Variants in MAP4 observed in about 807,000 individuals in gnomAD.
MAP4 encodes microtubule associated protein 4, also known as microtubule-associated protein 4.
Under a neutral mutation model 170.2 loss-of-function variants are expected in MAP4, and 76 were observed. The observed-to-expected ratio is 0.45, with a 90% CI of 0.37 to 0.54. The LOEUF (loss-of-function observed/expected upper bound fraction) is 0.54. MAP4 is among the 20% of genes least tolerant of loss of function. The pLI is 0.00. For missense variants in MAP4, 2,506 were observed against 2,748.0 expected, an observed-to-expected ratio of 0.91 and a Z score of 1.97; for synonymous variants, 909 against 994.5, an observed-to-expected ratio of 0.91 and a Z score of 1.62.
At chr3:47,980,659 C>T (rs1175293458) in intron 2 of MAP4, among the ~76,000 whole-genome samples, 2 of 152,026 alleles carry the variant, frequency 1.3e-5, no homozygotes, top group African/African-American at 2.4e-5. Context: ...ATTAAATAGC[C>T]GCTATGTAAC....
At chr3:48,020,872 C>T (rs1329014963), upstream of MAP4, among the ~76,000 whole-genome samples, 1 of 151,960 alleles carries the variant, frequency 6.6e-6, no homozygotes, top group African/African-American at 2.4e-5. Context: ...GCTCATTGTA[C>T]ACTACAGCTT....
At chr3:47,993,056 A>G (rs536292097) in intron 2 of MAP4, among the ~76,000 whole-genome samples, 1 of 152,334 alleles carries the variant, frequency 6.6e-6, no homozygotes, top group South Asian at 2.1e-4. Context: ...GCAAATGGTA[A>G]ATTTATGGTG....
At chr3:48,062,908 A>G (rs1288098051) in intron 1 of MAP4, among the ~76,000 whole-genome samples, 1 of 151,228 alleles carries the variant, frequency 6.6e-6, no homozygotes, top group African/African-American at 2.4e-5. Flanking sequence ...CTAGGCAACA[A>G]GAGTGAAACT....
chr3:47,876,132 CTT>C (rs756229459), intron 11 of MAP4, among the ~76,000 whole-genome samples: 1 of 140,570 alleles, frequency 7.1e-6, no homozygotes, highest in Non-Finnish European at 1.5e-5. Context: ...TTTTCTTTTT[CTT>C]TCTTTTTTTT....
Position 47,917,585 on chromosome 3 carries a change from CAA to C in MAP4, c.653-413_653-412del, listed in dbSNP as rs397877787. 6.0e-3 allele frequency among the ~76,000 whole-genome samples: 559 copies of C among 92,694 alleles called. 3 individuals carry two copies. The highest frequency in any genetic ancestry group is 0.019 in the African/African-American group (513 of 27,566). 60.8% of individuals were successfully genotyped at this position (92,694 alleles called of 152,430 possible). A position where few individuals can be genotyped will look rare whatever the true frequency, so the allele number is the denominator to read the frequency against. On this transcript the variant is annotated intron_variant, in intron 6 of 20. Transcript: ENST00000683076. ...TGGGGGACAGGGCAAGAGTCCGTCT[CAA>C]AAAAAAAAAAAAAAAAAGAAGAAGA... is the stretch of plus-strand genomic sequence containing the variant.
In MAP4 at chr3:47,909,613, G is replaced by A; in HGVS notation, c.4808C>T (p.Pro1603Leu). The A allele has an allele frequency of 6.2e-7, 1 of 1,613,594 alleles. No individual in the cohort carries two copies. Among genetic ancestry groups the A allele is most frequent in the Non-Finnish European group, 8.5e-7 (1 of 1,179,872 alleles). The stretch of plus-strand genomic sequence containing the variant: ...TTTCTCTTCATTCACTGGATGTGCT[G>A]GGAAATTACCTCTATCTGCATATCC... ...LEGYADRGNF[P>L]AHPVNEEKET... Residue 1603 changes from proline to leucine, a missense_variant, in exon 9 of 21, where the codon CCA becomes CTA. Transcript: ENST00000683076.
rs189408176 is a variant in MAP4, at chr3:47,964,431, C to G, written c.292+13434G>C. On this transcript the variant is annotated intron_variant, in intron 3 of 20. Transcript: ENST00000683076. ...GAGGATAGGGAAACCAAATGTTTAG[C>G]CTTAACAACCAGGACAGAATTTCCA... 8.5e-5 allele frequency among the ~76,000 whole-genome samples: 13 copies of G among 152,228 alleles called. No individual in the cohort carries two copies. The East Asian group carries it at 2.1e-3, about 25-fold the overall frequency.
chr3:47,941,637 A>AAAAACTGGGCATGGTGGCGTGTGC lies in MAP4; in HGVS notation c.293-13311_293-13288dup, dbSNP rs1578033254. On this transcript the variant is annotated intron_variant, in intron 3 of 20. Coordinates refer to ENST00000683076, the MANE Select transcript of MAP4 (RefSeq NM_001385682.1). ...CTAAAAAAACAAAAACAAAAAAAAA[A>AAAAACTGGGCATGGTGGCGTGTGC]AAAACTGGGCATGGTGGCGTGTGCC... Among the ~76,000 whole-genome samples the AAAAACTGGGCATGGTGGCGTGTGC allele has an allele frequency of 4.6e-5, 7 of 151,922 alleles. No individual in the cohort carries two copies. The East Asian group carries it at 1.4e-3, about 29-fold the overall frequency.
At chr3:48,010,169 A>G (rs1478785394) in intron 1 of MAP4, among the ~76,000 whole-genome samples, 1 of 152,210 alleles carries the variant, frequency 6.6e-6, no homozygotes, top group Non-Finnish European at 1.5e-5. Context: ...TCAGGAATGA[A>G]GGTTTGGATC....
At chr3:47,898,376 C>T (rs942292910) in intron 10 of MAP4, among the ~76,000 whole-genome samples, 34 of 152,078 alleles carry the variant, frequency 2.2e-4, no homozygotes, top group African/African-American at 8.2e-4. Context: ...GTGGCACGCA[C>T]CTGTAGTCCC....
In MAP4 at chr3:47,971,930, T is replaced by C. The variant is rs553068820; in HGVS notation, c.292+5935A>G. Among the ~76,000 whole-genome samples, 33 of 152,266 alleles carry C rather than the reference T, an allele frequency of 2.2e-4. No individual in the cohort carries two copies. The South Asian group carries it at 6.6e-3, about 31-fold the overall frequency. ...GAGGACAATAACAAAATTCAAGAAT[T>C]GCTTCAATTACCAAAAGCTTTAAAC... On this transcript the variant is annotated intron_variant, in intron 3 of 20. Coordinates refer to ENST00000683076, the MANE Select transcript of MAP4 (RefSeq NM_001385682.1).
chr3:47,917,771 G>C (rs746872866), intron 6 of MAP4, among the ~76,000 whole-genome samples: 47 of 152,246 alleles, frequency 3.1e-4, no homozygotes, highest in Middle Eastern at 3.4e-3. Context: ...ATTAGTATTA[G>C]AAAGATAATC....
intron 1 of MAP4, among the ~76,000 whole-genome samples, chr3:48,051,553 T>TG (rs2100127873): frequency 6.6e-6 from 1 of 152,224 alleles, no homozygotes; most frequent in Admixed American, 6.5e-5. Context: ...TTCTTTTTTA[T>TG]GGTTATTGAT....
intron 6 of MAP4, 93 bp from the exon 7 acceptor site, chr3:47,917,267 T>C: frequency 9.8e-7 from 1 of 1,022,402 alleles, no homozygotes; most frequent in Non-Finnish European, 1.5e-6. Context: ...TTGGCTTTTG[T>C]GACCATAAGA....
rs759863922 is a variant in MAP4 at position 47,916,906 on chromosome 3, T to C, written c.921A>G (p.Glu307=). The C allele has an allele frequency of 1.9e-6, 3 of 1,614,056 alleles. No individual in the cohort carries two copies. The highest frequency in any genetic ancestry group is 2.5e-6 in the Non-Finnish European group (3 of 1,180,034). The change falls in exon 7 of 21, where the codon GAA becomes GAG. Residue 307 remains glutamate (E), a synonymous_variant. Transcript: ENST00000683076. ...ESDMALVKDM[E]LPTEKEVALV... is the part of the protein sequence containing the mutation. Reference sequence around the variant, plus strand: ...GGGCCACTTCTTTTTCTGTGGGTAGTTCCATGTCCTTGACTAGGGCCATAT... The same window carrying C: ...GGGCCACTTCTTTTTCTGTGGGTAGCTCCATGTCCTTGACTAGGGCCATAT...
At chr3:47,868,391 A>C (rs890423628) in intron 16 of MAP4, among the ~76,000 whole-genome samples, 1 of 152,306 alleles carries the variant, frequency 6.6e-6, no homozygotes, top group African/African-American at 2.4e-5. Context: ...CCAAGTGGTT[A>C]GCAAACTACT....
At position 47,852,646 on chromosome 3, in the gene MAP4, T is replaced by A. The variant is rs1192314523; in HGVS notation, c.*288A>T. 3.4e-6 allele frequency: 4 copies of A among 1,162,064 alleles called. No homozygotes were observed. Among genetic ancestry groups the A allele is most frequent in the Non-Finnish European group, 4.7e-6 (4 of 847,928 alleles). 72.0% of individuals were successfully genotyped at this position (1,162,064 alleles called of 1,614,324 possible). ...CCTCCACGGAGCAGTGGCGCAGTGA[T>A]GGGGCAAGACCAAAGCAGGGAGATG... On this transcript the variant is annotated 3_prime_UTR_variant, in exon 21 of 21. Coordinates refer to ENST00000683076, the MANE Select transcript of MAP4 (RefSeq NM_001385682.1).
intron 1 of MAP4, among the ~76,000 whole-genome samples, chr3:48,049,556 T>G (rs1244224628): frequency 6.6e-6 from 1 of 152,072 alleles, no homozygotes; most frequent in Non-Finnish European, 1.5e-5. Flanking sequence ...GGAGTTCAGG[T>G]TGCAGTGAGC....
intron 7 of MAP4, 25 bp from the exon 8 acceptor site, chr3:47,914,964 C>T (rs752308231): frequency 8.7e-6 from 14 of 1,613,818 alleles, no homozygotes; most frequent in Middle Eastern, 3.3e-4. Context: ...AAAAGCCACA[C>T]ACGTTTCAGA....
Sources: allele counts gnomAD v4.1 joint callset (sites outside exome capture counted in the v4.1 genomes callset), GRCh38; gene constraint gnomAD v4.1.1; transcripts MANE v1.5; gene names NCBI Gene and HGNC (gene_info 2026-07-23, HGNC 2026-07-21).